Variants in CELF2 observed in about 807,000 individuals in gnomAD.
CELF2 encodes the protein CUGBP Elav-like family member 2, also known as CUG triplet repeat RNA-binding protein 2.
Under a neutral mutation model 62.6 loss-of-function variants are expected in CELF2, and 8 were observed. The ratio of observed to expected loss-of-function variants is 0.13; its 90% CI spans 0.07 to 0.23. The LOEUF (loss-of-function observed/expected upper bound fraction) is 0.23, where lower values mean the gene tolerates loss of function less well. Among genes scored for constraint, CELF2 ranks in the 10% least tolerant of loss-of-function variants. The pLI, the probability that CELF2 is intolerant of heterozygous loss-of-function variation, is 1.00. For missense variants in CELF2, 333 were observed against 671.0 expected (o/e 0.50, Z 5.56); for synonymous variants, 258 against 250.0 (o/e 1.03, Z -0.30).
Position 11,078,398 on chromosome 10 carries a change from T to G in CELF2, c.74+60235T>G, listed in dbSNP as rs530157406. ...AATGAATTCACTGCTTTTCCAGAGC[T>G]GAACGAGTTCTACCTATAACAGGTG... On this transcript the variant is annotated intron_variant, in intron 1 of 12. Coordinates refer to ENST00000633077, the MANE Select transcript of CELF2 (RefSeq NM_001326342.2). 5.3e-4 allele frequency among the ~76,000 whole-genome samples: 81 copies of G among 152,336 alleles called. 2 individuals are homozygous for G. The South Asian group carries it at 0.014, about 26-fold the overall frequency.
At chr10:10,864,703 C>A (rs967812745) in intron 1 of CELF2, among the ~76,000 whole-genome samples, 2 of 152,158 alleles carry the variant, frequency 1.3e-5, no homozygotes, top group African/African-American at 4.8e-5. Flanking sequence ...AATCACCTCT[C>A]AAAGGCTCCA....
At chr10:10,920,963 G>T (rs1170052640) in intron 2 of CELF2, among the ~76,000 whole-genome samples, 1 of 152,006 alleles carries the variant, frequency 6.6e-6, no homozygotes, top group Non-Finnish European at 1.5e-5. Context: ...TGTTGTTGTT[G>T]TTATTTTTTG....
At chr10:10,661,346 G>A in the CELF2 span, among the ~76,000 whole-genome samples, 1 of 152,206 alleles carries the variant, frequency 6.6e-6, no homozygotes, top group Admixed American at 6.5e-5. Flanking sequence ...CATAGCTCAT[G>A]CTCTTTATTG....
chr10:11,183,773 G>A (rs2074123484), intron 2 of CELF2, among the ~76,000 whole-genome samples: 1 of 151,886 alleles, frequency 6.6e-6, no homozygotes, highest in Non-Finnish European at 1.5e-5. Flanking sequence ...TTTTTACTTG[G>A]GTTATTGCCT....
the CELF2 span, among the ~76,000 whole-genome samples, chr10:10,788,793 A>G: frequency 1.3e-3 from 199 of 152,144 alleles, 2 homozygotes; most frequent in Admixed American, 6.3e-3. Context: ...ATTTGCACAT[A>G]TAAGTATGAA....
chr10:11,281,156 G>C (rs1024585756), intron 8 of CELF2, among the ~76,000 whole-genome samples: 1 of 152,080 alleles, frequency 6.6e-6, no homozygotes, highest in Non-Finnish European at 1.5e-5. Flanking sequence ...ACTACCACTT[G>C]TATCTCTTTC....
At chr10:11,053,953 G>A (rs34875536) in intron 1 of CELF2, among the ~76,000 whole-genome samples, 30,364 of 151,856 alleles carry the variant, frequency 0.2, 3,156 homozygotes, top group Middle Eastern at 0.28. Flanking sequence ...TCTGTTTATC[G>A]TTTTTATTAA....
the CELF2 span, among the ~76,000 whole-genome samples, chr10:10,788,453 CTTTTT>C: frequency 1.8e-4 from 17 of 95,746 alleles, no homozygotes; most frequent in African/African-American, 6.4e-4. Flanking sequence ...TTCTTTCCAT[CTTTTT>C]TTTTTTTTTT....
intron 1 of CELF2, among the ~76,000 whole-genome samples, chr10:11,122,737 C>T (rs1244402936): frequency 6.6e-6 from 1 of 152,224 alleles, no homozygotes; most frequent in Non-Finnish European, 1.5e-5. Context: ...TTTATTGATG[C>T]ATATCAAGTA....
intron 9 of CELF2, among the ~76,000 whole-genome samples, chr10:11,304,946 C>T (rs1443116807): frequency 6.6e-6 from 1 of 152,134 alleles, no homozygotes; most frequent in Non-Finnish European, 1.5e-5. Flanking sequence ...AGCCCTTAGG[C>T]CCCAAATAAG....
chr10:10,641,356 C>G, the CELF2 span, among the ~76,000 whole-genome samples: 2 of 152,180 alleles, frequency 1.3e-5, no homozygotes, highest in Non-Finnish European at 2.9e-5. Context: ...CATCGTGTAT[C>G]TCTTTACTTG....
At chr10:10,703,225 G>T in the CELF2 span, among the ~76,000 whole-genome samples, 1 of 152,170 alleles carries the variant, frequency 6.6e-6, no homozygotes, top group African/African-American at 2.4e-5. Flanking sequence ...AATTTCTTTA[G>T]TTACAACTCT....
upstream of CELF2, among the ~76,000 whole-genome samples, chr10:11,017,752 G>C (rs1188559262): frequency 6.6e-6 from 1 of 151,876 alleles, no homozygotes; most frequent in Non-Finnish European, 1.5e-5. This position sits in a 1 kb window ranked among gnomAD's most constrained non-coding sequence, Gnocchi z 5.5. Flanking sequence ...GGCCGTGCCC[G>C]GGCGGTGAGC....
intron 1 of CELF2, among the ~76,000 whole-genome samples, chr10:10,809,766 T>A (rs953306262): frequency 6.6e-6 from 1 of 152,230 alleles, no homozygotes; most frequent in East Asian, 1.9e-4. Flanking sequence ...AACTGAAGTT[T>A]GTGAAAATAA....
the CELF2 span, among the ~76,000 whole-genome samples, chr10:10,732,514 A>ACTCTC: frequency 1.6e-5 from 2 of 122,916 alleles, no homozygotes; most frequent in Non-Finnish European, 3.4e-5. Flanking sequence ...CTTTGGACTC[A>ACTCTC]CTCTCCTTTT....
intron 9 of CELF2, among the ~76,000 whole-genome samples, chr10:11,295,378 T>C (rs1254686040): frequency 6.6e-6 from 1 of 152,248 alleles, no homozygotes; most frequent in Admixed American, 6.5e-5. Flanking sequence ...ATTCACACCA[T>C]GGTAAAAACA....
At chr10:10,591,669 G>C in the CELF2 span, among the ~76,000 whole-genome samples, 6,057 of 152,108 alleles carry the variant, frequency 0.04, 224 homozygotes, top group South Asian at 0.092. Flanking sequence ...CTGTTAAGAC[G>C]TTTGCACTTT....
At chr10:11,133,526 C>T (rs994903502) in intron 1 of CELF2, among the ~76,000 whole-genome samples, 32 of 152,094 alleles carry the variant, frequency 2.1e-4, no homozygotes, top group African/African-American at 3.1e-4. Context: ...GTTGTACATA[C>T]GTATACAAGA....
At chr10:11,025,491 C>T (rs1196663229) in intron 1 of CELF2, among the ~76,000 whole-genome samples, 2 of 152,066 alleles carry the variant, frequency 1.3e-5, no homozygotes, top group African/African-American at 2.4e-5. Context: ...CTTCTTGCCA[C>T]CTTGTGAGGG....
Sources: allele counts gnomAD v4.1 joint callset (sites outside exome capture counted in the v4.1 genomes callset), GRCh38; gene constraint gnomAD v4.1.1; non-coding constraint Gnocchi (gnomAD v3.1); transcripts MANE v1.5; gene names NCBI Gene and HGNC (gene_info 2026-07-23, HGNC 2026-07-21).